PRIM2: variants seen among roughly 807,000 people sequenced by gnomAD.
PRIM2 encodes the protein DNA primase large subunit.
A neutral mutation model predicts 67.3 loss-of-function variants in PRIM2; 39 were observed. The observed-to-expected ratio is 0.58, with a 90% CI of 0.45 to 0.76. PRIM2 has a LOEUF of 0.76. Among genes scored for constraint, PRIM2 ranks in the 30% least tolerant of loss-of-function variants. The probability of loss-of-function intolerance (pLI) is 0.00; values close to 1 mark genes in which losing one functional copy is unlikely to be tolerated. For missense variants in PRIM2, 398 were observed against 598.7 expected (o/e 0.66, Z 3.50); for synonymous variants, 143 against 198.7 (o/e 0.72, Z 2.36).
chr6:57,247,263 C>T, the PRIM2 span, among the ~76,000 whole-genome samples: 2 of 152,162 alleles, frequency 1.3e-5, no homozygotes, highest in South Asian at 4.1e-4. Flanking sequence ...ATTGCCATAA[C>T]ATCTAGGGGT....
intron 13 of PRIM2, among the ~76,000 whole-genome samples, chr6:57,634,129 G>A (rs1269927560): frequency 6.6e-6 from 1 of 152,210 alleles, no homozygotes; most frequent in Non-Finnish European, 1.5e-5. Context: ...CTCATCTAAA[G>A]CTTGTGAGCA....
intron 8 of PRIM2, among the ~76,000 whole-genome samples, chr6:57,530,517 TAGAG>T (rs1438612290): frequency 1.3e-5 from 2 of 152,156 alleles, no homozygotes; most frequent in Non-Finnish European, 2.9e-5. Flanking sequence ...TTTAGGCAGA[TAGAG>T]GGAGGGCGGA....
At chr6:57,278,138 C>G in the PRIM2 span, among the ~76,000 whole-genome samples, 1 of 151,746 alleles carries the variant, frequency 6.6e-6, no homozygotes, top group African/African-American at 2.4e-5. Context: ...ACCATCCTGG[C>G]CAACATGGTG....
Position 57,449,232 on chromosome 6 carries a change from CTATT to C in PRIM2, c.694-58152_694-58149del, listed in dbSNP as rs1772457736. 2.0e-5 allele frequency among the ~76,000 whole-genome samples: 3 copies of C among 152,164 alleles called. No individual in the cohort carries two copies. In the South Asian group the frequency reaches 6.2e-4, roughly 32 times the overall value. On this transcript the variant is annotated intron_variant, in intron 7 of 13. Coordinates refer to ENST00000615550, the MANE Select transcript of PRIM2 (RefSeq NM_000947.5). ...ATGTAAATTTCTATCTAAGAGATGA[CTATT>C]TAGCCCTAGGTGCAGAATTTGAATC... is the stretch of plus-strand genomic sequence containing the variant.
intron 10 of PRIM2, among the ~76,000 whole-genome samples, chr6:57,592,110 CTAAACATTGGGTACGCATGGACA>C: frequency 6.6e-6 from 1 of 151,936 alleles, no homozygotes; most frequent in East Asian, 1.9e-4. Flanking sequence ...TAAGTGGGAG[CTAAACATTGGGTACGCATGGACA>C]TAAATATGGG....
intron 7 of PRIM2, among the ~76,000 whole-genome samples, chr6:57,450,039 C>A (rs1212021665): frequency 6.6e-6 from 1 of 151,972 alleles, no homozygotes; most frequent in Non-Finnish European, 1.5e-5. Flanking sequence ...TTCTAGAGAG[C>A]CTGTCACTTA....
chr6:57,524,626 G>A (rs1774705578), intron 8 of PRIM2, among the ~76,000 whole-genome samples: 1 of 151,996 alleles, frequency 6.6e-6, no homozygotes, highest in African/African-American at 2.4e-5. Flanking sequence ...ACTTGAACCG[G>A]GGAGGCAGAG....
At chr6:57,493,643 A>T (rs1224721893) in intron 7 of PRIM2, among the ~76,000 whole-genome samples, 1 of 152,246 alleles carries the variant, frequency 6.6e-6, no homozygotes, top group Non-Finnish European at 1.5e-5. Flanking sequence ...TTTACTAAAG[A>T]AAACAAAATT....
At chr6:57,520,934 A>C (rs1774605697) in intron 8 of PRIM2, among the ~76,000 whole-genome samples, 1 of 152,202 alleles carries the variant, frequency 6.6e-6, no homozygotes, top group Non-Finnish European at 1.5e-5. Flanking sequence ...GCCTCTTGGA[A>C]TCATACAATT....
At chr6:57,495,883 A>G (rs1554346343) in intron 7 of PRIM2, among the ~76,000 whole-genome samples, 70 of 152,266 alleles carry the variant, frequency 4.6e-4, no homozygotes, top group Non-Finnish European at 7.8e-4. Flanking sequence ...AGCTGGGATT[A>G]CAGGCACGTG....
intron 5 of PRIM2, among the ~76,000 whole-genome samples, chr6:57,374,358 A>T (rs112376914): frequency 6.7e-6 from 1 of 149,018 alleles, no homozygotes. Flanking sequence ...CAGTGGCGCG[A>T]TCTCGACTCA....
chr6:57,339,183 C>G (rs1301307010), intron 5 of PRIM2, among the ~76,000 whole-genome samples: 19 of 152,050 alleles, frequency 1.2e-4, no homozygotes, highest in Admixed American at 1.2e-3. Context: ...GAACTACAAA[C>G]CACTGCTCAA....
intron 10 of PRIM2, among the ~76,000 whole-genome samples, chr6:57,559,702 A>C (rs1775590871): frequency 6.6e-6 from 1 of 152,246 alleles, no homozygotes; most frequent in Admixed American, 6.5e-5. Flanking sequence ...AATAAAATTT[A>C]AATAAAGGAA....
At chr6:57,633,503 T>A (rs1388699354) in intron 13 of PRIM2, among the ~76,000 whole-genome samples, 2 of 152,316 alleles carry the variant, frequency 1.3e-5, no homozygotes, top group Non-Finnish European at 2.9e-5. Context: ...CAGAATTTCT[T>A]ACTTGATAAA....
Position 57,496,285 on chromosome 6 carries a change from T to C in PRIM2, c.694-11102T>C, listed in dbSNP as rs1554346383. ...TTAATGTTTGCAAAAAGTGGTACAC[T>C]GTTTAGTAATATTTAGGTAAAATGG... On this transcript the variant is annotated intron_variant, in intron 7 of 13. Coordinates refer to ENST00000615550, the MANE Select transcript of PRIM2 (RefSeq NM_000947.5). Among the ~76,000 whole-genome samples the C allele has an allele frequency of 9.5e-3, 1,442 of 152,336 alleles. 9 individuals are homozygous for C. The highest frequency in any genetic ancestry group is 0.037 in the Middle Eastern group (11 of 294).
At chr6:57,300,075 T>G in the PRIM2 span, among the ~76,000 whole-genome samples, 2 of 152,228 alleles carry the variant, frequency 1.3e-5, no homozygotes, top group African/African-American at 4.8e-5. Flanking sequence ...TACATCTATA[T>G]GAAATTATTT....
the PRIM2 span, among the ~76,000 whole-genome samples, chr6:57,286,224 C>T: frequency 1.3e-5 from 2 of 152,132 alleles, no homozygotes; most frequent in African/African-American, 4.8e-5. Flanking sequence ...ATCAAGCTAC[C>T]AATGACTTTC....
chr6:57,621,875 C>A (rs1776862499), intron 12 of PRIM2, among the ~76,000 whole-genome samples: 1 of 152,180 alleles, frequency 6.6e-6, no homozygotes, highest in Non-Finnish European at 1.5e-5. Context: ...GGTCTACTAA[C>A]AACAGACTCC....
intron 7 of PRIM2, among the ~76,000 whole-genome samples, chr6:57,466,637 T>A (rs1176563065): frequency 2.0e-5 from 3 of 152,270 alleles, no homozygotes; most frequent in Non-Finnish European, 4.4e-5. Context: ...AAGTGTCTGT[T>A]CATATCCTTC....
Sources: allele counts gnomAD v4.1 joint callset (sites outside exome capture counted in the v4.1 genomes callset), GRCh38; gene constraint gnomAD v4.1.1; transcripts MANE v1.5; gene names NCBI Gene and HGNC (gene_info 2026-07-23, HGNC 2026-07-21).